The following SYT1 variants were observed in gnomAD, a reference collection of about 807,000 sequenced individuals.
SYT1 encodes the protein synaptotagmin 1, also known as synaptotagmin-1.
Under a neutral mutation model 44.8 loss-of-function variants are expected in SYT1, and 8 were observed. The observed-to-expected ratio is 0.18, with a 90% confidence interval of 0.10 to 0.32. SYT1 has a LOEUF of 0.32. Among genes scored for constraint, SYT1 ranks in the 10% least tolerant of loss-of-function variants. The pLI is 1.00. For synonymous variants in SYT1, 154 were observed against 188.8 expected (o/e 0.82, Z 1.51); for missense variants, 286 against 509.3 (o/e 0.56, Z 4.22).
At chr12:79,167,203 A>G (rs1871269287) in intron 3 of SYT1, among the ~76,000 whole-genome samples, 2 of 152,058 alleles carry the variant, frequency 1.3e-5, no homozygotes, top group African/African-American at 4.8e-5. Flanking sequence ...AAAAGGACAA[A>G]GTCCTGCCCT....
At chr12:79,183,580 G>A (rs1382254898) in intron 3 of SYT1, among the ~76,000 whole-genome samples, 1 of 151,906 alleles carries the variant, frequency 6.6e-6, no homozygotes, top group East Asian at 2.0e-4. Context: ...TAGGCTAAAG[G>A]GTCTATGTGG....
At chr12:79,365,414 G>C (rs1357001402) in intron 9 of SYT1, among the ~76,000 whole-genome samples, 3 of 151,924 alleles carry the variant, frequency 2.0e-5, no homozygotes, top group Admixed American at 1.3e-4. Flanking sequence ...GACTTCAAAT[G>C]AGACCTAAAT....
intron 2 of SYT1, among the ~76,000 whole-genome samples, chr12:79,010,007 T>C (rs1262406165): frequency 1.3e-5 from 2 of 152,178 alleles, no homozygotes; most frequent in Non-Finnish European, 2.9e-5. Flanking sequence ...TCAGTGTCTG[T>C]GAATGGAATA....
chr12:78,884,340 C>T (rs1426626851), intron 1 of SYT1, among the ~76,000 whole-genome samples: 1 of 151,478 alleles, frequency 6.6e-6, no homozygotes, highest in East Asian at 1.9e-4. Flanking sequence ...TTGGTTAATG[C>T]AGCATTAAGT....
intron 9 of SYT1, among the ~76,000 whole-genome samples, chr12:79,415,812 A>G (rs1373343013): frequency 6.6e-6 from 1 of 152,200 alleles, no homozygotes; most frequent in African/African-American, 2.4e-5. Flanking sequence ...TTTGCAGTTA[A>G]TGGGAGAGGA....
intron 3 of SYT1, among the ~76,000 whole-genome samples, chr12:79,110,180 A>C (rs1470527278): frequency 1.3e-5 from 2 of 152,206 alleles, no homozygotes; most frequent in African/African-American, 4.8e-5. Context: ...TAGAAGATTG[A>C]AGGAAGACCC....
chr12:78,988,992 T>C (rs919259336), intron 2 of SYT1, among the ~76,000 whole-genome samples: 1 of 152,084 alleles, frequency 6.6e-6, no homozygotes, highest in African/African-American at 2.4e-5. Context: ...TTGAGATATG[T>C]TTTTAAAGTA....
At chr12:79,322,965 G>A (rs1329148946) in intron 8 of SYT1, among the ~76,000 whole-genome samples, 1 of 152,188 alleles carries the variant, frequency 6.6e-6, no homozygotes, top group Non-Finnish European at 1.5e-5. Context: ...GCATGGATTT[G>A]TAGTCTTGCT....
intron 3 of SYT1, among the ~76,000 whole-genome samples, chr12:79,189,879 G>C (rs957355428): frequency 6.6e-6 from 1 of 152,164 alleles, no homozygotes; most frequent in African/African-American, 2.4e-5. Flanking sequence ...ACTCCAGCCT[G>C]GGTGACAGAA....
intron 1 of SYT1, among the ~76,000 whole-genome samples, chr12:78,901,673 T>C (rs980391769): frequency 1.3e-5 from 2 of 152,156 alleles, no homozygotes; most frequent in Middle Eastern, 3.2e-3. Flanking sequence ...TATTTGTTCA[T>C]GTAGTTGTTG....
chr12:78,991,431 C>T (rs939103381), intron 2 of SYT1, among the ~76,000 whole-genome samples: 3 of 151,718 alleles, frequency 2.0e-5, no homozygotes, highest in African/African-American at 7.3e-5. Context: ...TGGCCTATAG[C>T]GAATGAAAAA....
At chr12:79,284,463 T>G (rs1027551175) in intron 4 of SYT1, among the ~76,000 whole-genome samples, 2 of 152,176 alleles carry the variant, frequency 1.3e-5, no homozygotes, top group Non-Finnish European at 2.9e-5. Flanking sequence ...TTTTAGGTAT[T>G]TACTTGTGTG....
chr12:79,318,653 A>T (rs1881214080), intron 8 of SYT1, among the ~76,000 whole-genome samples: 1 of 152,220 alleles, frequency 6.6e-6, no homozygotes, highest in Admixed American at 6.5e-5. Context: ...GAGATTTGCC[A>T]CAAGTTAACC....
At chr12:79,213,524 A>G (rs1045448635) in intron 3 of SYT1, among the ~76,000 whole-genome samples, 1 of 152,246 alleles carries the variant, frequency 6.6e-6, no homozygotes. Flanking sequence ...ATGCTTTAAT[A>G]TGTGTAAACC....
chr12:78,990,601 T>G (rs1440259505), intron 2 of SYT1, among the ~76,000 whole-genome samples: 1 of 152,182 alleles, frequency 6.6e-6, no homozygotes, highest in East Asian at 1.9e-4. Flanking sequence ...TTTAGGTTCT[T>G]TCTTAAATTT....
intron 1 of SYT1, among the ~76,000 whole-genome samples, chr12:78,973,617 TGACA>T (rs1368146463): frequency 6.6e-6 from 1 of 152,070 alleles, no homozygotes; most frequent in African/African-American, 2.4e-5. Context: ...ATGTTTTTAA[TGACA>T]AACAACCAGG....
chr12:79,395,871 G>A (rs1024225614), intron 9 of SYT1, among the ~76,000 whole-genome samples: 1 of 152,126 alleles, frequency 6.6e-6, no homozygotes, highest in African/African-American at 2.4e-5. Flanking sequence ...AACATACTCA[G>A]TAAAGAACTA....
intron 9 of SYT1, among the ~76,000 whole-genome samples, chr12:79,429,560 A>G (rs1565954196): frequency 1.4e-5 from 2 of 146,872 alleles, no homozygotes; most frequent in African/African-American, 2.5e-5. Context: ...CTGGAGTCTC[A>G]CTCTGTCACC....
intron 3 of SYT1, among the ~76,000 whole-genome samples, chr12:79,124,967 G>A (rs1209996594): frequency 6.6e-6 from 1 of 152,058 alleles, no homozygotes; most frequent in Non-Finnish European, 1.5e-5. Flanking sequence ...GAGAGATGGG[G>A]AAAAAATTGG....
Sources: gnomAD v4.1 joint callset for allele counts (sites outside exome capture counted in the v4.1 genomes callset) on GRCh38, gnomAD v4.1.1 for gene constraint, MANE v1.5 for transcripts, NCBI Gene and HGNC (gene_info 2026-07-23, HGNC 2026-07-21) for gene names.